Variants in DIP2C observed in about 807,000 individuals in gnomAD.
DIP2C encodes the protein DIP2 acetate--CoA ligase C (putative).
Under a neutral mutation model 192.4 loss-of-function variants are expected in DIP2C, and 33 were observed. The observed-to-expected ratio is 0.17, with a 90% CI of 0.13 to 0.23. The LOEUF is 0.23. DIP2C is among the 10% of genes least tolerant of loss of function. DIP2C has a pLI of 1.00. For synonymous variants in DIP2C, 979 were observed against 864.1 expected (o/e 1.13, Z -2.33); for missense variants, 1,537 against 2,110.1 (o/e 0.73, Z 5.32).
At chr10:409,067 C>G (rs750170774) in intron 8 of DIP2C, 50 bp from the exon 9 acceptor site, 17 of 1,584,696 alleles carry the variant, frequency 1.1e-5, no homozygotes, top group Non-Finnish European at 1.4e-5. Context: ...ATACGGAGAG[C>G]ACAGCTTCTG....
At chr10:493,340 T>G (rs1229060702) in intron 1 of DIP2C, among the ~76,000 whole-genome samples, 1 of 152,256 alleles carries the variant, frequency 6.6e-6, no homozygotes, top group Non-Finnish European at 1.5e-5. Context: ...TATGCCGTAT[T>G]AAACACAGCT....
chr10:514,231 C>T (rs1426502868), intron 1 of DIP2C, among the ~76,000 whole-genome samples: 1 of 149,286 alleles, frequency 6.7e-6, no homozygotes, highest in African/African-American at 2.5e-5. Flanking sequence ...TCACTCTAGC[C>T]AGGAGAGCGT....
In DIP2C at chr10:424,987, CGG is replaced by C. The variant is rs1290527868; in HGVS notation, c.395-1956_395-1955del. 8.4e-5 allele frequency among the ~76,000 whole-genome samples: 12 copies of C among 142,880 alleles called. No individual in the cohort carries two copies. The South Asian group carries it at 8.8e-4, about 10-fold the overall frequency. 93.7% of individuals were successfully genotyped at this position (142,880 alleles called of 152,430 possible). A position where few individuals can be genotyped will look rare whatever the true frequency, so the allele number is the denominator to read the frequency against. On this transcript the variant is annotated intron_variant, in intron 4 of 36. Transcript: ENST00000280886. ...ATGACCAGCAGTGACTAATACGACA[CGG>C]ATGATACAGCATGACCAGCGGTGAC...
intron 2 of DIP2C, among the ~76,000 whole-genome samples, chr10:483,510 T>TCC (rs142813646): frequency 2.0e-5 from 3 of 152,124 alleles, no homozygotes; most frequent in Admixed American, 6.5e-5. Flanking sequence ...CTGTCCGGAG[T>TCC]CCCCCCATCC....
intron 36 of DIP2C, among the ~76,000 whole-genome samples, chr10:278,406 G>C (rs1272389953): frequency 8.5e-5 from 13 of 152,210 alleles, no homozygotes; most frequent in African/African-American, 3.1e-4. Context: ...CAGGAGGGCT[G>C]GATATGGGGG....
intron 1 of DIP2C, among the ~76,000 whole-genome samples, chr10:589,534 A>G (rs1309299579): frequency 6.6e-6 from 1 of 152,184 alleles, no homozygotes; most frequent in African/African-American, 2.4e-5. Flanking sequence ...TCTTTTGCAT[A>G]TGGCTGTCCG....
chr10:591,831 CCT>C (rs145491401), intron 1 of DIP2C, among the ~76,000 whole-genome samples: 10,596 of 152,198 alleles, frequency 0.07, 1,144 homozygotes, highest in African/African-American at 0.23. Flanking sequence ...GAAACAGGGA[CCT>C]CTCCTCAGAC....
chr10:479,048 G>A (rs931306863), intron 2 of DIP2C, among the ~76,000 whole-genome samples: 1 of 152,192 alleles, frequency 6.6e-6, no homozygotes, highest in African/African-American at 2.4e-5. Context: ...TAGTGAAACT[G>A]CCGGGGATTT....
chr10:671,825 C>CAG (rs1288665915), intron 1 of DIP2C, among the ~76,000 whole-genome samples: 2 of 126,564 alleles, frequency 1.6e-5, no homozygotes, highest in Non-Finnish European at 1.7e-5. Context: ...ACGGAGGAAA[C>CAG]GCCACAGACG....
At chr10:314,847 G>A (rs1465126543) in intron 31 of DIP2C, among the ~76,000 whole-genome samples, 1 of 152,214 alleles carries the variant, frequency 6.6e-6, no homozygotes, top group African/African-American at 2.4e-5. Flanking sequence ...AAGGCCTCAT[G>A]TCTTATACTA....
At chr10:580,209 TATA>T (rs1482112648) in intron 1 of DIP2C, among the ~76,000 whole-genome samples, 7 of 150,848 alleles carry the variant, frequency 4.6e-5, no homozygotes, top group Non-Finnish European at 1.0e-4. Flanking sequence ...TGCACATATA[TATA>T]ATGTATATAT....
At chr10:565,049 CTA>C (rs1849389028) in intron 1 of DIP2C, among the ~76,000 whole-genome samples, 1 of 152,182 alleles carries the variant, frequency 6.6e-6, no homozygotes. Flanking sequence ...TTCCCTTCCT[CTA>C]TTCAATGGCA....
intron 1 of DIP2C, among the ~76,000 whole-genome samples, chr10:596,847 C>T (rs1207223227): frequency 6.6e-6 from 1 of 152,254 alleles, no homozygotes; most frequent in Non-Finnish European, 1.5e-5. Context: ...AGGACAAAGA[C>T]ACCCAGAACC....
intron 1 of DIP2C, among the ~76,000 whole-genome samples, chr10:499,265 A>G (rs1226068300): frequency 6.6e-6 from 1 of 152,158 alleles, no homozygotes. Flanking sequence ...GCTCGTTGGC[A>G]GCGCAGCCCT....
intron 26 of DIP2C, among the ~76,000 whole-genome samples, chr10:347,440 C>T (rs1311669118): frequency 2.7e-5 from 4 of 147,698 alleles, no homozygotes; most frequent in African/African-American, 1.0e-4. Flanking sequence ...AAACGTCACA[C>T]GCACCCAGAC....
chr10:477,060 C>T (rs903670759), intron 2 of DIP2C, among the ~76,000 whole-genome samples: 1 of 149,810 alleles, frequency 6.7e-6, no homozygotes, highest in African/African-American at 2.5e-5. Flanking sequence ...TCTAGAATTA[C>T]AGCAAGACCA....
chr10:406,311 C>T (rs962292840), intron 9 of DIP2C, among the ~76,000 whole-genome samples: 1 of 152,200 alleles, frequency 6.6e-6, no homozygotes, highest in Non-Finnish European at 1.5e-5. Flanking sequence ...CAAGGTTATA[C>T]AACTGCCACC....
chr10:321,128 G>A (rs1357823386), intron 31 of DIP2C, among the ~76,000 whole-genome samples: 1 of 152,218 alleles, frequency 6.6e-6, no homozygotes, highest in East Asian at 1.9e-4. Context: ...GCCGATTTTT[G>A]CAAAGTAAAA....
intron 6 of DIP2C, among the ~76,000 whole-genome samples, chr10:417,809 T>C (rs61837180): frequency 0.052 from 575 of 11,098 alleles, 164 homozygotes; most frequent in Non-Finnish European, 0.065. Context: ...TGTCCACCTG[T>C]TCCTGTCAGG....
Sources: allele counts gnomAD v4.1 joint callset (sites outside exome capture counted in the v4.1 genomes callset), GRCh38; gene constraint gnomAD v4.1.1; transcripts MANE v1.5; gene names NCBI Gene and HGNC (gene_info 2026-07-23, HGNC 2026-07-21).